LPA: variants seen among roughly 807,000 people sequenced by gnomAD.
LPA encodes lipoprotein(a).
Under a neutral mutation model 197.9 loss-of-function variants are expected in LPA, and 199 were observed. That is an observed-to-expected ratio of 1.01 (90% CI 0.90 to 1.13). The LOEUF (loss-of-function observed/expected upper bound fraction) is 1.13. LPA is among the 50% of genes most tolerant of loss of function. The pLI is 0.00. For missense variants in LPA, 1,853 were observed against 1,785.8 expected (o/e 1.04, Z -0.68); for synonymous variants, 715 against 639.5 (o/e 1.12, Z -1.78).
intron 28 of LPA, among the ~76,000 whole-genome samples, chr6:160,576,382 ATATATATG>A (rs1162982973): frequency 3.2e-4 from 16 of 50,662 alleles, no homozygotes; most frequent in African/African-American, 1.9e-3. Flanking sequence ...ATATATATAT[ATATATATG>A]TATATATATA....
chr6:160,634,619 T>C (rs1200237102), intron 7 of LPA, among the ~76,000 whole-genome samples: 2 of 149,142 alleles, frequency 1.3e-5, no homozygotes, highest in Non-Finnish European at 3.0e-5. Flanking sequence ...CTGAAGAGCC[T>C]TAGAGCATTG....
chr6:160,657,227 C>A (rs1366244490), intron 1 of LPA, among the ~76,000 whole-genome samples: 1 of 152,068 alleles, frequency 6.6e-6, no homozygotes, highest in Non-Finnish European at 1.5e-5. Flanking sequence ...ATCTTCTGGA[C>A]CCTCCCAGCT....
At chr6:160,557,635 G>T in intron 28 of LPA, 64 bp from the exon 29 acceptor site, 1 of 1,394,266 alleles carries the variant, frequency 7.2e-7, no homozygotes, top group Non-Finnish European at 1.0e-6. Flanking sequence ...ACCCAGCGCT[G>T]TCTAAACTTT....
intron 16 of LPA, among the ~76,000 whole-genome samples, chr6:160,610,358 A>G (rs1779467140): frequency 6.6e-6 from 1 of 152,048 alleles, no homozygotes; most frequent in African/African-American, 2.4e-5. Flanking sequence ...AGCTGCCTTT[A>G]TTCTAGTAAT....
intron 33 of LPA, among the ~76,000 whole-genome samples, chr6:160,543,028 C>A (rs917154167): frequency 6.6e-6 from 1 of 152,160 alleles, no homozygotes; most frequent in African/African-American, 2.4e-5. Flanking sequence ...TCTTTCTAAA[C>A]CATGTAAAGT....
chr6:160,648,750 C>T (rs939573616), intron 2 of LPA, among the ~76,000 whole-genome samples: 1 of 152,030 alleles, frequency 6.6e-6, no homozygotes, highest in Non-Finnish European at 1.5e-5. Flanking sequence ...AGTAGTTCTT[C>T]GATTTGGCTC....
chr6:160,591,994 C>A (rs1779039121), intron 22 of LPA, among the ~76,000 whole-genome samples: 1 of 152,152 alleles, frequency 6.6e-6, no homozygotes, highest in African/African-American at 2.4e-5. Flanking sequence ...CCCAGTAAAT[C>A]AGAGTTTTGC....
At position 160,609,398 on chromosome 6, in the gene LPA, A is replaced by G. The variant is rs1387515157; in HGVS notation, c.2603+2164T>C. Among the ~76,000 whole-genome samples, 11 of 151,994 alleles carry G rather than the reference A, an allele frequency of 7.2e-5. No homozygotes were observed. The East Asian group carries it at 1.9e-3, about 27-fold the overall frequency. Reference sequence around the variant, plus strand: ...TGTTTCTGAGGTGAACGCATTAGCAATTTGTATCACTGTACTCTAGGAAGA... The same window carrying G: ...TGTTTCTGAGGTGAACGCATTAGCAGTTTGTATCACTGTACTCTAGGAAGA... On this transcript the variant is annotated intron_variant, in intron 16 of 38. Transcript: ENST00000316300.
intron 26 of LPA, among the ~76,000 whole-genome samples, chr6:160,580,764 C>T (rs1778779425): frequency 6.6e-6 from 1 of 152,158 alleles, no homozygotes; most frequent in South Asian, 2.1e-4. Flanking sequence ...GTTGTTTGTC[C>T]TCTGATTAGT....
At chr6:160,651,064 C>A (rs1387745911) in intron 1 of LPA, among the ~76,000 whole-genome samples, 1 of 152,076 alleles carries the variant, frequency 6.6e-6, no homozygotes, top group Non-Finnish European at 1.5e-5. Context: ...TTTTCTTGTG[C>A]CCAGCATCCT....
rs543083626 is a variant in LPA, at chr6:160,594,194, C to T, written c.3470-77G>A. 6 of 1,560,460 alleles carry T rather than the reference C, an allele frequency of 3.8e-6. No individual in the cohort carries two copies. The African/African-American group carries it at 5.4e-5, about 14-fold the overall frequency. On this transcript the variant is annotated intron_variant, in intron 21 of 38. Coordinates refer to ENST00000316300, the MANE Select transcript of LPA (RefSeq NM_005577.4). ...CATCAGAAGAAATCTGTGACTGAAA[C>T]AGGATCATTGTCTCTGAGAAAGACT...
At chr6:160,582,469 G>C (rs1778819949) in intron 26 of LPA, among the ~76,000 whole-genome samples, 1 of 151,644 alleles carries the variant, frequency 6.6e-6, no homozygotes, top group African/African-American at 2.4e-5. Context: ...TTTCTGATTT[G>C]ATCTTTTTTT....
intron 27 of LPA, among the ~76,000 whole-genome samples, chr6:160,578,190 C>T (rs1250867540): frequency 6.6e-6 from 1 of 152,194 alleles, no homozygotes; most frequent in Non-Finnish European, 1.5e-5. Flanking sequence ...GGCTTATTGG[C>T]TTGGAAATCT....
intron 37 of LPA, among the ~76,000 whole-genome samples, chr6:160,534,253 G>C (rs772548348): frequency 3.3e-5 from 5 of 152,212 alleles, no homozygotes; most frequent in Non-Finnish European, 7.3e-5. Flanking sequence ...AAAATATTTT[G>C]CTGAAAGTTA....
At chr6:160,605,790 C>T (rs1253794449) in intron 17 of LPA, among the ~76,000 whole-genome samples, 1 of 152,130 alleles carries the variant, frequency 6.6e-6, no homozygotes, top group African/African-American at 2.4e-5. Flanking sequence ...AGCTTACTCC[C>T]CTGCAGGAGA....
intron 2 of LPA, among the ~76,000 whole-genome samples, chr6:160,648,015 G>A (rs1258319601): frequency 6.6e-6 from 1 of 152,154 alleles, no homozygotes; most frequent in African/African-American, 2.4e-5. Flanking sequence ...TGATTCCAAA[G>A]TCTTACAGTT....
At position 160,532,105 on chromosome 6, in the gene LPA, T is replaced by A. The variant is rs41266379; in HGVS notation, c.5962-215A>T. Among the ~76,000 whole-genome samples the A allele has an allele frequency of 1.9e-4, 29 of 152,106 alleles. 1 individual carries two copies. The highest frequency in any genetic ancestry group is 2.9e-5 in the Non-Finnish European group (2 of 68,010). On this transcript the variant is annotated intron_variant, in intron 38 of 38. Transcript: ENST00000316300. ...CTTAGTTTTTTCCTGGGAAAAAAAA[T>A]AATCCCTTGTGAATCCTGCATGCAT...
intron 1 of LPA, among the ~76,000 whole-genome samples, chr6:160,657,463 A>T (rs1482917118): frequency 7.0e-6 from 1 of 142,520 alleles, no homozygotes. Flanking sequence ...CAGTGGGGCG[A>T]TCTTGGCTCA....
intron 28 of LPA, among the ~76,000 whole-genome samples, chr6:160,571,514 G>C (rs894107418): frequency 5.9e-5 from 9 of 152,300 alleles, no homozygotes; most frequent in African/African-American, 1.9e-4. Flanking sequence ...AGGGAGATGG[G>C]AGTTTTATCT....
Sources: gnomAD v4.1 joint callset for allele counts (sites outside exome capture counted in the v4.1 genomes callset) on GRCh38, gnomAD v4.1.1 for gene constraint, MANE v1.5 for transcripts, NCBI Gene and HGNC (gene_info 2026-07-23, HGNC 2026-07-21) for gene names.